CLNK: variants seen among roughly 807,000 people sequenced by gnomAD.
CLNK encodes cytokine dependent hematopoietic cell linker, also known as cytokine-dependent hematopoietic cell linker.
Under a neutral mutation model 68.6 loss-of-function variants are expected in CLNK, and 74 were observed. The observed-to-expected ratio is 1.08, with a 90% CI of 0.89 to 1.31. The LOEUF (loss-of-function observed/expected upper bound fraction) is 1.31. CLNK is among the 50% of genes most tolerant of loss of function. The pLI, the probability that CLNK is intolerant of heterozygous loss-of-function variation, is 0.00. For missense variants in CLNK, 553 were observed against 515.3 expected (o/e 1.07, Z -0.71); for synonymous variants, 198 against 172.2 (o/e 1.15, Z -1.17).
chr4:10,598,349 G>A (rs918513170), intron 2 of CLNK, among the ~76,000 whole-genome samples: 1 of 152,220 alleles, frequency 6.6e-6, no homozygotes, highest in African/African-American at 2.4e-5. Context: ...TCAACAGGGT[G>A]ACCTTGGTAC....
chr4:10,522,476 A>C (rs1008703754), intron 14 of CLNK, among the ~76,000 whole-genome samples: 1 of 145,228 alleles, frequency 6.9e-6, no homozygotes, highest in African/African-American at 2.5e-5. Context: ...TGGGAGGCTG[A>C]GGCGGGAGAA....
chr4:10,703,403 G>A, the CLNK span, among the ~76,000 whole-genome samples: 1 of 152,180 alleles, frequency 6.6e-6, no homozygotes, highest in Non-Finnish European at 1.5e-5. Flanking sequence ...GGAGAAACAC[G>A]TTTTGGGGGT....
the CLNK span, among the ~76,000 whole-genome samples, chr4:10,732,871 T>G: frequency 2.0e-5 from 3 of 152,192 alleles, no homozygotes; most frequent in Non-Finnish European, 4.4e-5. Flanking sequence ...TCTGCTAATA[T>G]ATTTTTGCCA....
chr4:10,659,188 C>CTGTA (rs1724095047), intron 2 of CLNK, among the ~76,000 whole-genome samples: 1 of 152,036 alleles, frequency 6.6e-6, no homozygotes, highest in Non-Finnish European at 1.5e-5. Flanking sequence ...GAAACAAGAG[C>CTGTA]GAAACTCTGT....
intron 4 of CLNK, among the ~76,000 whole-genome samples, chr4:10,583,056 T>C (rs1222515474): frequency 6.6e-6 from 1 of 152,180 alleles, no homozygotes; most frequent in African/African-American, 2.4e-5. Flanking sequence ...CCCTCTCCTG[T>C]TTTCAAATGA....
At chr4:10,729,906 C>T in the CLNK span, among the ~76,000 whole-genome samples, 5 of 152,244 alleles carry the variant, frequency 3.3e-5, no homozygotes, top group African/African-American at 9.6e-5. Context: ...TTTTCCAGAA[C>T]GGTTACTATA....
Position 10,680,309 on chromosome 4 carries a change from T to C in CLNK, c.-43+4359A>G, listed in dbSNP as rs565565635. Reference sequence around the variant, plus strand: ...GCATGTTCTCACTCATAGGTGGGAATTGAAGAATGAGAACACATGGACGCA... The same window carrying C: ...GCATGTTCTCACTCATAGGTGGGAACTGAAGAATGAGAACACATGGACGCA... On this transcript the variant is annotated intron_variant, in intron 1 of 18. Coordinates refer to ENST00000226951, the MANE Select transcript of CLNK (RefSeq NM_052964.4). Among the ~76,000 whole-genome samples, 5 of 138,052 alleles carry C rather than the reference T, an allele frequency of 3.6e-5. 1 individual carries two copies. The South Asian group carries it at 9.2e-4, about 25-fold the overall frequency. The allele number at this position is 138,052 out of a possible 152,430, so 90.6% of individuals were successfully genotyped here.
rs185054558 is a variant in CLNK, at chr4:10,576,328, C to T, written c.113-4550G>A. The stretch of plus-strand genomic sequence containing the variant: ...AGAAAGGGAGTTGCTCAATAGATTT[C>T]ATATCTGCATCCCAGGAGAGTTATG... On this transcript the variant is annotated intron_variant, in intron 4 of 18. Coordinates refer to ENST00000226951, the MANE Select transcript of CLNK (RefSeq NM_052964.4). Among the ~76,000 whole-genome samples, 608 of 152,320 alleles carry T rather than the reference C, an allele frequency of 4.0e-3. 2 individuals carry two copies. Among genetic ancestry groups the T allele is most frequent in the Non-Finnish European group, 6.0e-3 (408 of 68,032 alleles).
At chr4:10,615,763 T>C (rs566451214) in intron 2 of CLNK, among the ~76,000 whole-genome samples, 1 of 152,168 alleles carries the variant, frequency 6.6e-6, no homozygotes, top group African/African-American at 2.4e-5. Context: ...TTACAAATAA[T>C]GAAATGACTC....
chr4:10,652,976 T>C (rs1415968081), intron 2 of CLNK, among the ~76,000 whole-genome samples: 1 of 151,876 alleles, frequency 6.6e-6, no homozygotes, highest in Non-Finnish European at 1.5e-5. Flanking sequence ...ATAACGAAAA[T>C]AAGGCACATA....
chr4:10,686,428 C>A (rs145586080), upstream of CLNK, among the ~76,000 whole-genome samples: 66 of 151,934 alleles, frequency 4.3e-4, no homozygotes, highest in Non-Finnish European at 7.9e-4. Context: ...GGTTGAGAGG[C>A]AGTTGGATGA....
At chr4:10,729,153 T>C in the CLNK span, among the ~76,000 whole-genome samples, 2 of 152,182 alleles carry the variant, frequency 1.3e-5, no homozygotes, top group African/African-American at 4.8e-5. Flanking sequence ...TCTTCTGAAT[T>C]TTTCTCTTTG....
chr4:10,564,697 A>G lies in CLNK; in HGVS notation c.373T>C (p.Trp125Arg), dbSNP rs770838467. 9 of 1,613,170 alleles carry G rather than the reference A, an allele frequency of 5.6e-6. No individual in the cohort carries two copies. The highest frequency in any genetic ancestry group is 1.7e-5 in the Admixed American group (1 of 60,026). The change falls in exon 7 of 19, where the codon TGG becomes CGG. Residue 125 changes from tryptophan (W) to arginine (R), a missense_variant. Physicochemically the swap from Trp to Arg is moderately radical, Grantham distance 101. Transcript: ENST00000226951. ...RTSISIGQPT[W>R]NTQTRLERVD... ...CTTTCCAACCTCGTCTGTGTGTTCC[A>G]GGTCGGCTGTCCAATGGAGATAGAG...
At chr4:10,712,993 C>A in the CLNK span, among the ~76,000 whole-genome samples, 1 of 152,172 alleles carries the variant, frequency 6.6e-6, no homozygotes, top group Non-Finnish European at 1.5e-5. Context: ...TGGCCCATTG[C>A]CCACCAAGTT....
At chr4:10,580,659 A>T (rs1030409748) in intron 4 of CLNK, among the ~76,000 whole-genome samples, 27 of 152,056 alleles carry the variant, frequency 1.8e-4, no homozygotes, top group Non-Finnish European at 2.5e-4. Context: ...AATAAAAATT[A>T]AAAAATTAAA....
Position 10,564,776 on chromosome 4 carries a change from A to T in CLNK, c.294T>A (p.Asp98Glu), listed in dbSNP as rs140509002. The T allele has an allele frequency of 1.9e-6, 3 of 1,586,030 alleles. No homozygotes were observed. The highest frequency in any genetic ancestry group is 3.3e-5 in the Admixed American group (2 of 59,982). ...ARPIKESEYA[D>E]THYFKVAMDT... Reference sequence around the variant, plus strand: ...CCATTGCAACCTTGAAATAGTGTGTATCTATGCAAACAGAAAAATATGAAA... The same window carrying T: ...CCATTGCAACCTTGAAATAGTGTGTTTCTATGCAAACAGAAAAATATGAAA... The change falls in exon 7 of 19, where the codon GAT becomes GAA. Residue 98 changes from aspartate to glutamate, a missense_variant and splice_region_variant. Asp to Glu is a conservative substitution (Grantham distance 45). Coordinates refer to ENST00000226951, the MANE Select transcript of CLNK (RefSeq NM_052964.4).
chr4:10,673,028 A>C (rs189281763), intron 1 of CLNK, among the ~76,000 whole-genome samples: 4 of 152,340 alleles, frequency 2.6e-5, no homozygotes, highest in Admixed American at 2.0e-4. Context: ...TAAAAAACCT[A>C]TCACATCCAA....
chr4:10,730,109 G>A, the CLNK span, among the ~76,000 whole-genome samples: 1 of 152,150 alleles, frequency 6.6e-6, no homozygotes, highest in Non-Finnish European at 1.5e-5. Context: ...CAGTGGCTGT[G>A]GGGCCCTAGT....
intron 2 of CLNK, among the ~76,000 whole-genome samples, chr4:10,612,406 G>A (rs1299882097): frequency 1.3e-5 from 2 of 152,244 alleles, no homozygotes; most frequent in Non-Finnish European, 2.9e-5. Context: ...TGCTGAGAGT[G>A]TGTCAGCCAC....
Sources: allele counts gnomAD v4.1 joint callset (sites outside exome capture counted in the v4.1 genomes callset), GRCh38; gene constraint gnomAD v4.1.1; transcripts MANE v1.5; gene names NCBI Gene and HGNC (gene_info 2026-07-23, HGNC 2026-07-21).